FOXO1: variants seen among roughly 807,000 people sequenced by gnomAD.
FOXO1 encodes the protein forkhead box O1, also known as forkhead box protein O1.
Under a neutral mutation model 44.1 loss-of-function variants are expected in FOXO1, and 6 were observed. The observed-to-expected ratio is 0.14, with a 90% CI of 0.07 to 0.27. The LOEUF (loss-of-function observed/expected upper bound fraction) is 0.27. Ranked by LOEUF, FOXO1 falls within the 10% of genes least tolerant of loss-of-function variation. The probability of loss-of-function intolerance (pLI) is 1.00; values close to 1 mark genes in which losing one functional copy is unlikely to be tolerated. For missense variants in FOXO1, 737 were observed against 888.8 expected, an observed-to-expected ratio of 0.83 and a Z score of 2.17; for synonymous variants, 380 against 362.7, an observed-to-expected ratio of 1.05 and a Z score of -0.54.
intron 1 of FOXO1, among the ~76,000 whole-genome samples, chr13:40,654,322 T>TAAAAAAAAAAAAAAAAAAAAAA (rs11344939): frequency 2.1e-5 from 1 of 48,198 alleles, no homozygotes; most frequent in African/African-American, 6.6e-5. Flanking sequence ...CTAAAAATAC[T>TAAAAAAAAAAAAAAAAAAAAAA]AAAAAAAAAA....
At chr13:40,604,146 T>G (rs1875912655) in intron 1 of FOXO1, among the ~76,000 whole-genome samples, 1 of 151,312 alleles carries the variant, frequency 6.6e-6, no homozygotes, top group African/African-American at 2.4e-5. Context: ...ATATTGAATG[T>G]GACAGAATTA....
intron 1 of FOXO1, among the ~76,000 whole-genome samples, chr13:40,581,237 G>T (rs1036876734): frequency 1.3e-5 from 2 of 152,182 alleles, no homozygotes; most frequent in African/African-American, 4.8e-5. Flanking sequence ...AAAAAGGGGA[G>T]CGAGCACAAA....
Position 40,666,196 on chromosome 13 carries a change from T to C in FOXO1, c.17A>G (p.Gln6Arg). Reference sequence around the variant, plus strand: ...GAAGTCCGGGTCGATCTCCACCACCTGAGGCGCCTCGGCCATGGTGACCCC... The same window carrying C: ...GAAGTCCGGGTCGATCTCCACCACCCGAGGCGCCTCGGCCATGGTGACCCC... MAEAP[Q>R]VVEIDPDFEP... The change falls in exon 1 of 3, where the codon CAG (glutamine) becomes CGG (arginine). Residue 6 changes from glutamine (Q) to arginine (R), a missense_variant. Gln to Arg is a conservative substitution (Grantham distance 43). Around this residue, in one of 7 missense-constraint regions of FOXO1, gnomAD observed 213 missense variants for 236.4 expected, o/e 0.90. Transcript: ENST00000379561. 4.2e-6 allele frequency: 6 copies of C among 1,443,512 alleles called. No individual in the cohort carries two copies. The highest frequency in any genetic ancestry group is 5.5e-6 in the Non-Finnish European group (6 of 1,100,194). 89.4% of individuals were successfully genotyped at this position (1,443,512 alleles called of 1,614,324 possible). A position where few individuals can be genotyped will look rare whatever the true frequency, so the allele number is the denominator to read the frequency against.
chr13:40,652,026 C>T (rs2137934538), intron 1 of FOXO1, among the ~76,000 whole-genome samples: 1 of 152,246 alleles, frequency 6.6e-6, no homozygotes, highest in Middle Eastern at 3.4e-3. Context: ...TACATACCTA[C>T]CCATCCAGAG....
At chr13:40,605,705 C>G (rs1344683860) in intron 1 of FOXO1, among the ~76,000 whole-genome samples, 3 of 152,158 alleles carry the variant, frequency 2.0e-5, no homozygotes, top group African/African-American at 7.2e-5. Flanking sequence ...CCTTTTCTAG[C>G]CCCTAAACCC....
At chr13:40,621,295 C>A in intron 1 of FOXO1, 3 of 735,566 alleles carry the variant, frequency 4.1e-6, no homozygotes, top group Non-Finnish European at 6.2e-6. Context: ...GAGAATTTCA[C>A]TTGTCCGATC....
intron 1 of FOXO1, among the ~76,000 whole-genome samples, chr13:40,584,501 A>AAAGC (rs1555248680): frequency 4.4e-4 from 52 of 117,246 alleles, no homozygotes; most frequent in Non-Finnish European, 5.0e-4. Context: ...AAAAAAAAAA[A>AAAGC]GCCAGATGCA....
At chr13:40,570,370 G>A (rs2721071) in intron 1 of FOXO1, among the ~76,000 whole-genome samples, 62,900 of 151,814 alleles carry the variant, frequency 0.41, 14,366 homozygotes, top group East Asian at 0.75. Flanking sequence ...GTCAAGGAGT[G>A]TAAGAACGTA....
At chr13:40,608,487 A>C (rs1269956931) in intron 1 of FOXO1, among the ~76,000 whole-genome samples, 2 of 152,218 alleles carry the variant, frequency 1.3e-5, no homozygotes, top group Admixed American at 1.3e-4. Flanking sequence ...GTTGCATGCC[A>C]CTGAGACTTT....
intron 1 of FOXO1, among the ~76,000 whole-genome samples, chr13:40,632,402 A>C (rs1233497706): frequency 1.3e-5 from 2 of 152,242 alleles, no homozygotes; most frequent in South Asian, 2.1e-4. Flanking sequence ...ACAATTTAAC[A>C]ATGGGCAAAG....
Position 40,666,276 on chromosome 13 carries a change from C to A in FOXO1, c.-64G>T. The A allele has an allele frequency of 1.6e-6, 2 of 1,289,884 alleles. No individual in the cohort carries two copies. The highest frequency in any genetic ancestry group is 2.8e-4 in the Middle Eastern group (1 of 3,510). 79.9% of individuals were successfully genotyped at this position (1,289,884 alleles called of 1,614,324 possible). On this transcript the variant is annotated 5_prime_UTR_variant, in exon 1 of 3. Transcript: ENST00000379561. ...GAGGGGGAGAACGCAGCACTGGGGG[C>A]GGACGGGGAGGGGGCGCGAAGGGAC...
chr13:40,563,613 C>G (rs1476229991), intron 1 of FOXO1, among the ~76,000 whole-genome samples: 1 of 152,148 alleles, frequency 6.6e-6, no homozygotes, highest in African/African-American at 2.4e-5. Context: ...CCTCCACACC[C>G]AAGATCTACC....
intron 1 of FOXO1, among the ~76,000 whole-genome samples, chr13:40,659,336 A>G (rs1427634747): frequency 6.6e-6 from 1 of 151,468 alleles, no homozygotes; most frequent in Non-Finnish European, 1.5e-5. Context: ...AAAAAAGAAA[A>G]GAAAAGAAAA....
In FOXO1 at chr13:40,559,560, C is replaced by T. The variant is rs554193370; in HGVS notation, c.1931G>A (p.Ser644Asn). The change falls in exon 2 of 3, where the codon AGT becomes AAT. Residue 644 changes from serine (S) to asparagine (N), a missense_variant. Physicochemically the swap from Ser to Asn is conservative, Grantham distance 46. Coordinates refer to ENST00000379561, the MANE Select transcript of FOXO1 (RefSeq NM_002015.4). Reference protein sequence around the residue: ...NVLPNQSFPHSVKTTTHSWVS... With the variant: ...NVLPNQSFPHNVKTTTHSWVS... The stretch of plus-strand genomic sequence containing the variant: ...CCAGCTATGTGTCGTTGTCTTGACA[C>T]TGTGTGGGAAGCTTTGGTTGGGCAA... The T allele has an allele frequency of 1.1e-4, 173 of 1,610,732 alleles. No homozygotes were observed. The South Asian group carries it at 1.6e-3, about 15-fold the overall frequency.
intron 1 of FOXO1, among the ~76,000 whole-genome samples, chr13:40,616,390 C>T (rs1876424731): frequency 6.6e-6 from 1 of 151,954 alleles, no homozygotes; most frequent in Non-Finnish European, 1.5e-5. Context: ...GTATGAAGGA[C>T]AGAGAAAAAA....
chr13:40,584,469 CAAAAAAAAAAAAAAAAA>C (rs55733141), intron 1 of FOXO1, among the ~76,000 whole-genome samples: 25,498 of 63,996 alleles, frequency 0.4, 3,137 homozygotes, highest in South Asian at 0.47. Flanking sequence ...ACAAAAAATG[CAAAAAAAAAAAAAAAAA>C]AAAAAAAAAA....
At chr13:40,593,971 A>G (rs1036476141) in intron 1 of FOXO1, among the ~76,000 whole-genome samples, 1 of 152,214 alleles carries the variant, frequency 6.6e-6, no homozygotes, top group Non-Finnish European at 1.5e-5. Flanking sequence ...TTTTAAGACT[A>G]AATTTAATAC....
At chr13:40,623,664 T>C (rs1876690995) in intron 1 of FOXO1, among the ~76,000 whole-genome samples, 1 of 152,096 alleles carries the variant, frequency 6.6e-6, no homozygotes, top group East Asian at 1.9e-4. Context: ...TCACAGGAAA[T>C]TAAAGTCTCA....
intron 1 of FOXO1, among the ~76,000 whole-genome samples, chr13:40,596,264 GGCAGAAAGCTGGGGTCTGTGACCATAAA>G (rs1176151071): frequency 6.6e-6 from 1 of 152,082 alleles, no homozygotes; most frequent in Non-Finnish European, 1.5e-5. Context: ...GCCATGTTCT[GGCAGAAAGCTGGGGTCTGTGACCATAAA>G]GCAGGACTGC....
Sources: gnomAD v4.1 joint callset for allele counts (sites outside exome capture counted in the v4.1 genomes callset) on GRCh38, gnomAD v4.1.1 for gene constraint, gnomAD v4.1.1 regional missense constraint, MANE v1.5 for transcripts, NCBI Gene and HGNC (gene_info 2026-07-23, HGNC 2026-07-21) for gene names.